The following FBXL13 variants were observed in gnomAD, a reference collection of about 807,000 sequenced individuals.
FBXL13 encodes F-box and leucine rich repeat protein 13.
FBXL13 carries 67 observed loss-of-function variants against 83.6 expected under a neutral mutation model. That is an observed-to-expected ratio of 0.80 (90% confidence interval 0.66 to 0.98). FBXL13 has a LOEUF of 0.98. Ranked by LOEUF, FBXL13 falls within the 50% of genes least tolerant of loss-of-function variation. The pLI is 0.00. For synonymous variants in FBXL13, 272 were observed against 299.5 expected (o/e 0.91, Z 0.95); for missense variants, 822 against 866.5 (o/e 0.95, Z 0.64).
At chr7:103,013,624 C>T (rs188293124) in intron 6 of FBXL13, among the ~76,000 whole-genome samples, 10 of 152,172 alleles carry the variant, frequency 6.6e-5, no homozygotes, top group Admixed American at 2.0e-4. Flanking sequence ...TTCTGGGACA[C>T]GGCCAAAGCA....
intron 17 of FBXL13, among the ~76,000 whole-genome samples, chr7:102,838,084 C>G (rs970502637): frequency 6.6e-6 from 1 of 152,226 alleles, no homozygotes; most frequent in Non-Finnish European, 1.5e-5. Context: ...CTTCTTCTCA[C>G]TCGGTTCAGT....
At chr7:103,074,777 A>G (rs1585692986), upstream of FBXL13, 2 of 1,289,274 alleles carry the variant, frequency 1.6e-6, no homozygotes, top group Non-Finnish European at 2.0e-6. Flanking sequence ...CCATGGCCCA[A>G]GGCCTGACGG....
At chr7:102,869,459 C>T (rs1018484614) in intron 16 of FBXL13, among the ~76,000 whole-genome samples, 4 of 152,126 alleles carry the variant, frequency 2.6e-5, no homozygotes, top group Non-Finnish European at 5.9e-5. Flanking sequence ...CTTTGCTGTA[C>T]AGAAGCTTTT....
At chr7:103,041,452 A>C (rs1795684247) in intron 2 of FBXL13, among the ~76,000 whole-genome samples, 1 of 152,196 alleles carries the variant, frequency 6.6e-6, no homozygotes, top group Non-Finnish European at 1.5e-5. Context: ...AAAAGAGAGA[A>C]TCTTCCCTAA....
chr7:102,989,342 A>T (rs1244094436), intron 6 of FBXL13, among the ~76,000 whole-genome samples: 1 of 152,228 alleles, frequency 6.6e-6, no homozygotes, highest in African/African-American at 2.4e-5. Flanking sequence ...TGCATCGCAA[A>T]GTCAACAGAC....
chr7:102,850,235 G>C (rs375273974), intron 17 of FBXL13, among the ~76,000 whole-genome samples: 2 of 152,112 alleles, frequency 1.3e-5, no homozygotes, highest in East Asian at 3.9e-4. Context: ...AGAGTGAAAA[G>C]AAAAATGTCT....
chr7:102,885,504 T>C (rs976853260), intron 11 of FBXL13, among the ~76,000 whole-genome samples: 18 of 152,272 alleles, frequency 1.2e-4, no homozygotes, highest in African/African-American at 1.9e-4. Context: ...GAATTCTTCA[T>C]ATATTCTGGA....
chr7:102,898,380 A>T (rs776893478), intron 11 of FBXL13, among the ~76,000 whole-genome samples: 25 of 152,104 alleles, frequency 1.6e-4, no homozygotes, highest in Non-Finnish European at 3.2e-4. Context: ...TCATTCTGTC[A>T]CCCAGGCTGC....
chr7:103,015,006 G>C (rs1792116687), intron 6 of FBXL13, among the ~76,000 whole-genome samples: 1 of 149,748 alleles, frequency 6.7e-6, no homozygotes, highest in African/African-American at 2.5e-5. Context: ...CCATGGTCAA[G>C]TAGGCTTCCT....
chr7:103,074,196 A>G lies in FBXL13; in HGVS notation c.-105+50T>C, dbSNP rs1164786600. The G allele has an allele frequency of 4.1e-6, 4 of 980,640 alleles. No individual in the cohort carries two copies. The African/African-American group carries it at 7.0e-5, about 17-fold the overall frequency. The allele number at this position is 980,640 out of a possible 1,614,324, so 60.7% of individuals were successfully genotyped here. On this transcript the variant is annotated intron_variant, in intron 1 of 19. Coordinates refer to ENST00000313221, the Ensembl canonical transcript of FBXL13. ...TCAGCTTCCACTCTTCCCTCCGCTAACCTCCATCTATTTTCTGCCCTCACG... is the reference window on the plus strand; with the variant it reads ...TCAGCTTCCACTCTTCCCTCCGCTAGCCTCCATCTATTTTCTGCCCTCACG...
intron 2 of FBXL13, among the ~76,000 whole-genome samples, chr7:103,038,770 T>C (rs1795348176): frequency 6.6e-6 from 1 of 152,166 alleles, no homozygotes; most frequent in African/African-American, 2.4e-5. Context: ...AGGAATATCA[T>C]GAACATCAAC....
chr7:102,949,262 T>A (rs539951771), intron 8 of FBXL13, among the ~76,000 whole-genome samples: 46 of 152,280 alleles, frequency 3.0e-4, no homozygotes, highest in African/African-American at 1.1e-3. Context: ...AAAACATCTC[T>A]GAGAATTTTT....
intron 16 of FBXL13, among the ~76,000 whole-genome samples, chr7:102,867,245 C>G (rs1807782914): frequency 6.6e-6 from 1 of 152,018 alleles, no homozygotes; most frequent in South Asian, 2.1e-4. Context: ...GTAGTCCCAG[C>G]TACTTGGGAG....
intron 1 of FBXL13, among the ~76,000 whole-genome samples, chr7:103,066,949 G>A (rs1468090952): frequency 3.9e-5 from 6 of 151,906 alleles, no homozygotes; most frequent in Non-Finnish European, 7.4e-5. Flanking sequence ...GCGCCACCAC[G>A]CCCAGCTAAT....
At chr7:102,934,147 T>G (rs199874484) in intron 8 of FBXL13, 2 of 1,614,182 alleles carry the variant, frequency 1.2e-6, no homozygotes, top group African/African-American at 2.7e-5. Flanking sequence ...TGCTGCCTGG[T>G]TGGCCTCAGG....
chr7:102,881,436 CAAAAAAAAAAA>C (rs34979881), intron 14 of FBXL13, among the ~76,000 whole-genome samples: 2 of 61,416 alleles, frequency 3.3e-5, no homozygotes, highest in African/African-American at 5.9e-5. Flanking sequence ...GACTCCATCT[CAAAAAAAAAAA>C]AAAAAAAAAA....
In FBXL13 at chr7:102,832,924, GCAATAAGAGACATCCA is replaced by G; in HGVS notation, c.1754_1769del (p.Leu585SerfsTer7). Reference sequence around the variant, plus strand: ...TGATAATCATATCTGACAGCTGGGAGCAATAAGAGACATCCAAATGTTCCAAGATCAGTGAGCTTTT... The same window carrying G: ...TGATAATCATATCTGACAGCTGGGAGAATGTTCCAAGATCAGTGAGCTTTT... On this transcript the variant is annotated frameshift_variant, in exon 18 of 20. Coordinates refer to ENST00000313221, the Ensembl canonical transcript of FBXL13. LOFTEE classifies it high-confidence loss of function. 6.2e-7 allele frequency: 1 copy of G among 1,614,234 alleles called. No individual in the cohort carries two copies.
chr7:102,941,506 C>T (rs775418887), intron 8 of FBXL13, among the ~76,000 whole-genome samples: 8 of 152,092 alleles, frequency 5.3e-5, no homozygotes, highest in East Asian at 1.9e-4. Flanking sequence ...TCTGGTCTCC[C>T]GCACAGCCAG....
chr7:102,816,887 C>T (rs538790462), intron 19 of FBXL13, among the ~76,000 whole-genome samples: 22 of 152,314 alleles, frequency 1.4e-4, no homozygotes, highest in Non-Finnish European at 2.8e-4. Context: ...TGTTAATTCA[C>T]TTAGGATAAT....
Sources: gnomAD v4.1 joint callset for allele counts (sites outside exome capture counted in the v4.1 genomes callset) on GRCh38, gnomAD v4.1.1 for gene constraint, MANE v1.5 for transcripts, NCBI Gene and HGNC (gene_info 2026-07-23, HGNC 2026-07-21) for gene names.